WDPCP: variants seen among roughly 807,000 people sequenced by gnomAD.
The protein encoded by WDPCP is WD repeat-containing and planar cell polarity effector protein fritz homolog.
In WDPCP, 71 loss-of-function variants were observed where a neutral mutation model predicts 93.1. The observed-to-expected ratio is 0.76, with a 90% CI of 0.63 to 0.93. The LOEUF (loss-of-function observed/expected upper bound fraction) is 0.93. Among genes scored for constraint, WDPCP ranks in the 40% least tolerant of loss-of-function variants. The probability of loss-of-function intolerance (pLI) is 0.00; values close to 1 mark genes in which losing one functional copy is unlikely to be tolerated. For missense variants in WDPCP, 844 were observed against 887.4 expected, an observed-to-expected ratio of 0.95 and a Z score of 0.62; for synonymous variants, 315 against 315.0, an observed-to-expected ratio of 1.00 and a Z score of 0.00.
chr2:63,621,304 A>G (rs1709735134), intron 3 of WDPCP, among the ~76,000 whole-genome samples: 1 of 152,072 alleles, frequency 6.6e-6, no homozygotes, highest in African/African-American at 2.4e-5. Flanking sequence ...ATTGCTAACT[A>G]GAATAACCAG....
intron 2 of WDPCP, among the ~76,000 whole-genome samples, chr2:63,770,077 G>C (rs1173999514): frequency 6.6e-6 from 1 of 151,792 alleles, no homozygotes; most frequent in Non-Finnish European, 1.5e-5. Context: ...AATTAAGCTA[G>C]AAATCAGTAA....
intron 12 of WDPCP, among the ~76,000 whole-genome samples, chr2:63,335,471 T>C (rs1376360363): frequency 4.0e-5 from 6 of 150,844 alleles, no homozygotes; most frequent in African/African-American, 1.5e-4. Context: ...TCACCCAGGC[T>C]GGAGTGCAGT....
At chr2:63,716,450 C>T (rs545216629) in intron 2 of WDPCP, among the ~76,000 whole-genome samples, 1 of 152,270 alleles carries the variant, frequency 6.6e-6, no homozygotes, top group South Asian at 2.1e-4. Context: ...GCACTTTTGT[C>T]ATTATTTTAA....
chr2:63,612,018 G>T (rs1011937867), intron 3 of WDPCP, among the ~76,000 whole-genome samples: 1 of 152,154 alleles, frequency 6.6e-6, no homozygotes, highest in Non-Finnish European at 1.5e-5. Flanking sequence ...CTTCATAAAA[G>T]ACTTCTGCAA....
chr2:63,771,123 C>T (rs976086503), intron 2 of WDPCP, among the ~76,000 whole-genome samples: 6 of 151,392 alleles, frequency 4.0e-5, no homozygotes, highest in East Asian at 3.9e-4. Flanking sequence ...TCCTGAGAAT[C>T]GCTGAGCTAA....
chr2:63,628,853 G>A (rs1008661853), intron 3 of WDPCP, among the ~76,000 whole-genome samples: 1 of 152,142 alleles, frequency 6.6e-6, no homozygotes, highest in Admixed American at 6.5e-5. Context: ...CCAGATCCAG[G>A]ACCACAATAC....
At chr2:63,579,961 G>C (rs1480557023) in intron 1 of WDPCP, among the ~76,000 whole-genome samples, 1 of 152,142 alleles carries the variant, frequency 6.6e-6, no homozygotes, top group Non-Finnish European at 1.5e-5. Flanking sequence ...TATTGTGGGA[G>C]CGGGCTCCTG....
At chr2:63,822,022 G>T (rs1012330391) in intron 1 of WDPCP, among the ~76,000 whole-genome samples, 16 of 152,056 alleles carry the variant, frequency 1.1e-4, no homozygotes, top group African/African-American at 3.9e-4. Flanking sequence ...TTTTATTAAA[G>T]AAAATAGAAA....
chr2:63,303,291 C>A (rs1685469382), intron 13 of WDPCP, among the ~76,000 whole-genome samples: 1 of 152,080 alleles, frequency 6.6e-6, no homozygotes, highest in Non-Finnish European at 1.5e-5. Context: ...AGGAGTTGTA[C>A]CAAATGGGGA....
rs373664805 is a variant in WDPCP at position 63,588,209 on chromosome 2, T to A, written c.63A>T (p.Pro21=). 1 of 1,570,116 alleles carries A rather than the reference T, an allele frequency of 6.4e-7. No homozygotes were observed. Among genetic ancestry groups the A allele is most frequent in the Non-Finnish European group, 8.7e-7 (1 of 1,155,460 alleles). ...SKAAGSRASS[P]LPRQDRDSFC... ...GGCCAGGGCTCACCTGTCTCGGGAG[T>A]GGGGAAGAAGCGCGACTCCCGGCCG... The change falls in exon 1 of 18, where the codon CCA becomes CCT. Residue 21 remains proline (P), a synonymous_variant. Coordinates refer to ENST00000272321, the MANE Select transcript of WDPCP (RefSeq NM_015910.7).
In WDPCP at chr2:63,461,768, G is replaced by C. The variant is rs544824959; in HGVS notation, c.385-21897C>G. ...AGAACACAACAGCAGATTATACCAAGGTGTACCATTAAAAGTCTTCTTCTC... is the reference window on the plus strand; with the variant it reads ...AGAACACAACAGCAGATTATACCAACGTGTACCATTAAAAGTCTTCTTCTC... On this transcript the variant is annotated intron_variant, in intron 6 of 17. Coordinates refer to ENST00000272321, the MANE Select transcript of WDPCP (RefSeq NM_015910.7). 1.1e-4 allele frequency among the ~76,000 whole-genome samples: 16 copies of C among 152,274 alleles called. 1 individual carries two copies. Among genetic ancestry groups the C allele is most frequent in the African/African-American group, 3.6e-4 (15 of 41,556 alleles).
At chr2:63,750,954 G>T (rs1434053905) in intron 2 of WDPCP, among the ~76,000 whole-genome samples, 1 of 151,980 alleles carries the variant, frequency 6.6e-6, no homozygotes, top group Non-Finnish European at 1.5e-5. Context: ...TAATTTCTTT[G>T]TTAGGTTTTA....
intron 14 of WDPCP, among the ~76,000 whole-genome samples, chr2:63,181,777 G>T (rs886256633): frequency 2.7e-5 from 4 of 149,018 alleles, no homozygotes; most frequent in African/African-American, 9.9e-5. Flanking sequence ...ACATCTGTAT[G>T]GTTTTTTTTT....
intron 2 of WDPCP, among the ~76,000 whole-genome samples, chr2:63,716,584 G>A (rs1201392143): frequency 6.6e-6 from 1 of 152,126 alleles, no homozygotes; most frequent in Non-Finnish European, 1.5e-5. Context: ...CACCCATTTT[G>A]TTTCTAGTTG....
chr2:63,620,589 G>C (rs914047021), intron 3 of WDPCP, among the ~76,000 whole-genome samples: 1 of 152,174 alleles, frequency 6.6e-6, no homozygotes, highest in African/African-American at 2.4e-5. Context: ...GGTGGGTGTG[G>C]GCACAGCTTC....
At position 63,359,207 on chromosome 2, in the gene WDPCP, C is replaced by T. The variant is rs140873758; in HGVS notation, c.1748+19179G>A. 3.3e-3 allele frequency among the ~76,000 whole-genome samples: 496 copies of T among 152,210 alleles called. 2 individuals carry two copies. Among genetic ancestry groups the T allele is most frequent in the African/African-American group, 0.01 (418 of 41,512 alleles). ...TAATCCAATCACAACATTCTAGTTC[C>T]GACATCTACATTTAAACATCTATAA... is the stretch of plus-strand genomic sequence containing the variant. On this transcript the variant is annotated intron_variant, in intron 12 of 17. Coordinates refer to ENST00000272321, the MANE Select transcript of WDPCP (RefSeq NM_015910.7).
intron 17 of WDPCP, among the ~76,000 whole-genome samples, chr2:63,127,691 A>G (rs1670014331): frequency 6.9e-6 from 1 of 145,694 alleles, no homozygotes; most frequent in African/African-American, 2.5e-5. Flanking sequence ...ATATATATAT[A>G]TATACGCACA....
chr2:63,255,633 C>T (rs1171757967), intron 14 of WDPCP, among the ~76,000 whole-genome samples: 1 of 152,112 alleles, frequency 6.6e-6, no homozygotes, highest in African/African-American at 2.4e-5. Flanking sequence ...CTTCCTGAGG[C>T]CTCACCAGGT....
chr2:63,570,207 A>G (rs1707374769), intron 1 of WDPCP, among the ~76,000 whole-genome samples: 1 of 152,336 alleles, frequency 6.6e-6, no homozygotes, highest in African/African-American at 2.4e-5. Context: ...TGTAAACAAT[A>G]TATTTGTTTT....
Sources: allele counts gnomAD v4.1 joint callset (sites outside exome capture counted in the v4.1 genomes callset), GRCh38; gene constraint gnomAD v4.1.1; transcripts MANE v1.5; gene names NCBI Gene and HGNC (gene_info 2026-07-23, HGNC 2026-07-21).